The following SLC12A9 variants were observed in gnomAD, a reference collection of about 807,000 sequenced individuals.
SLC12A9 encodes the protein solute carrier family 12 member 9.
A neutral mutation model predicts 66.0 loss-of-function variants in SLC12A9; 55 were observed. That is an observed-to-expected ratio of 0.83 (90% CI 0.67 to 1.04). SLC12A9 has a LOEUF of 1.04. Ranked by LOEUF, SLC12A9 falls within the 50% of genes least tolerant of loss-of-function variation. The pLI is 0.00. For missense variants in SLC12A9, 1,061 were observed against 1,241.9 expected (o/e 0.85, Z 2.19); for synonymous variants, 577 against 569.0 (o/e 1.01, Z -0.20).
chr7:100,827,670 C>A (rs894008843), intron 1 of SLC12A9: 1 of 152,202 alleles, frequency 6.6e-6, no homozygotes, highest in South Asian at 2.1e-4. Context: ...GAGAGGGGCA[C>A]CGAGTGGAGC....
intron 1 of SLC12A9, among the ~76,000 whole-genome samples, chr7:100,829,719 C>T (rs1211573086): frequency 1.3e-5 from 2 of 152,190 alleles, no homozygotes; most frequent in Non-Finnish European, 2.9e-5. Context: ...GTACCCAGAT[C>T]CTGTAGCCTC....
chr7:100,831,465 C>T (rs1562978909), intron 1 of SLC12A9, among the ~76,000 whole-genome samples: 3 of 151,520 alleles, frequency 2.0e-5, no homozygotes, highest in South Asian at 2.1e-4. Context: ...GGATTACAGG[C>T]GTGAGCCACT....
chr7:100,859,412 T>C (rs896713994), intron 7 of SLC12A9: 7 of 525,194 alleles, frequency 1.3e-5, no homozygotes, highest in Non-Finnish European at 2.4e-5. Context: ...TGGCCTCTTG[T>C]GCATATACCA....
At chr7:100,830,156 A>G (rs1813514956) in intron 1 of SLC12A9, among the ~76,000 whole-genome samples, 1 of 152,174 alleles carries the variant, frequency 6.6e-6, no homozygotes, top group South Asian at 2.1e-4. Flanking sequence ...GTTCGAGACC[A>G]GCCTGGCCAA....
Position 100,855,691 on chromosome 7 carries a change from T to C in SLC12A9, c.317-15T>C. 1 of 1,614,016 alleles carries C rather than the reference T, an allele frequency of 6.2e-7. No homozygotes were observed. The highest frequency in any genetic ancestry group is 8.5e-7 in the Non-Finnish European group (1 of 1,179,906). On this transcript the variant is annotated splice_polypyrimidine_tract_variant and intron_variant, in intron 3 of 13. Transcript: ENST00000354161. Reference sequence around the variant, plus strand: ...AGTCTTTTCCCTTAATGCTCACCCCTGCTTCCACTTTCAGTCATGATCAGC... The same window carrying C: ...AGTCTTTTCCCTTAATGCTCACCCCCGCTTCCACTTTCAGTCATGATCAGC...
intron 4 of SLC12A9, chr7:100,856,529 T>TTA: frequency 4.7e-6 from 1 of 211,468 alleles, no homozygotes; most frequent in Admixed American, 5.4e-5. Context: ...TTTTTTTTTT[T>TTA]CTTGAGAGAA....
At chr7:100,860,077 G>A (rs1814649261) in intron 8 of SLC12A9, 35 bp downstream of exon 8, 2 of 1,614,114 alleles carry the variant, frequency 1.2e-6, no homozygotes, top group African/African-American at 1.3e-5. Context: ...CTTGGAGCAC[G>A]CCCTCCCTTG....
rs377703782 is a variant in SLC12A9 at position 100,861,256 on chromosome 7, A to C, written c.1337A>C (p.Asn446Thr). 6 of 1,614,028 alleles carry C rather than the reference A, an allele frequency of 3.7e-6. No homozygotes were observed. The highest frequency in any genetic ancestry group is 1.1e-5 in the South Asian group (1 of 91,088). ...CLSLEWASAP[N>T]FRPTFSLFSW... ...AGCCTGGAGTGGGCCTCGGCCCCCA[A>C]CTTCCGGTGAGAGACTCAGATCTGT... The change falls in exon 10 of 14, where the codon AAC becomes ACC. Residue 446 changes from asparagine to threonine, a missense_variant. Transcript: ENST00000354161. This position sits in a 1 kb window ranked among gnomAD's most constrained non-coding sequence, Gnocchi z 5.3.
intron 1 of SLC12A9, among the ~76,000 whole-genome samples, chr7:100,840,431 A>G (rs747223053): frequency 2.0e-5 from 3 of 152,214 alleles, no homozygotes; most frequent in South Asian, 2.1e-4. Flanking sequence ...TATGGCACAA[A>G]GTAACCTGTA....
At position 100,858,957 on chromosome 7, in the gene SLC12A9, C is replaced by T. The variant is rs1339032864; in HGVS notation, c.865+15C>T. On this transcript the variant is annotated intron_variant, in intron 6 of 13. Transcript: ENST00000354161. Reference sequence around the variant, plus strand: ...CAACATGTCAGGTGAGAGTCCCTGCCTGCTGCCTCCTGGGGGTTTGGGGCT... The same window carrying T: ...CAACATGTCAGGTGAGAGTCCCTGCTTGCTGCCTCCTGGGGGTTTGGGGCT... The T allele has an allele frequency of 1.9e-6, 3 of 1,613,714 alleles. No individual in the cohort carries two copies. Among genetic ancestry groups the T allele is most frequent in the African/African-American group, 2.7e-5 (2 of 74,920 alleles).
chr7:100,845,194 A>C (rs1813881687), intron 1 of SLC12A9, among the ~76,000 whole-genome samples: 2 of 151,200 alleles, frequency 1.3e-5, no homozygotes, highest in Non-Finnish European at 2.9e-5. Flanking sequence ...TCCATTCACT[A>C]AATTTCCAAA....
rs1248090501 is a variant in SLC12A9, at chr7:100,858,882, A to T, written c.805A>T (p.Ser269Cys). 1.2e-6 allele frequency: 2 copies of T among 1,614,166 alleles called. No homozygotes were observed. Among genetic ancestry groups the T allele is most frequent in the Non-Finnish European group, 1.7e-6 (2 of 1,180,026 alleles). ...CACGGGAGCCGTGATGAATTTTGCC[A>T]GCGTCTTTGCTGTCCTCTTTAACGG... The part of the protein sequence containing the change: ...YTTGAVMNFA[S>C]VFAVLFNGCT... Residue 269 changes from serine (S) to cysteine (C), a missense_variant, in exon 6 of 14, where the codon AGC (serine) becomes TGC (cysteine). Ser to Cys is a moderately radical substitution (Grantham distance 112). Transcript: ENST00000354161.
At position 100,854,275 on chromosome 7, in the gene SLC12A9, C is replaced by G. The variant is rs377629495; in HGVS notation, c.78C>G (p.Ala26=). 1 of 1,594,380 alleles carries G rather than the reference C, an allele frequency of 6.3e-7. No individual in the cohort carries two copies. Among genetic ancestry groups the G allele is most frequent in the Non-Finnish European group, 8.5e-7 (1 of 1,174,980 alleles). The change falls in exon 2 of 14, where the codon GCC becomes GCG. Residue 26 remains alanine (A), a synonymous_variant. Transcript: ENST00000354161. ...EEGVALPANG[A]GGPGGASARK... Reference sequence around the variant, plus strand: ...GGGTTGCCCTCCCTGCCAATGGGGCCGGGGGTCCTGGAGGGGCGTCTGCCC... The same window carrying G: ...GGGTTGCCCTCCCTGCCAATGGGGCGGGGGGTCCTGGAGGGGCGTCTGCCC...
Position 100,861,002 on chromosome 7 carries a change from C to T in SLC12A9, c.1219-136C>T, listed in dbSNP as rs930773862. ...CATTGACACTTTGGGGGTGCACTGG[C>T]ACTTTGCAGGGTTCACTGGCACTTT... On this transcript the variant is annotated intron_variant, in intron 9 of 13. Coordinates refer to ENST00000354161, the MANE Select transcript of SLC12A9 (RefSeq NM_020246.4). This position sits in a 1 kb window ranked among gnomAD's most constrained non-coding sequence, Gnocchi z 5.3. The T allele has an allele frequency of 1.3e-6, 2 of 1,493,756 alleles. No individual in the cohort carries two copies. The highest frequency in any genetic ancestry group is 1.4e-5 in the African/African-American group (1 of 72,426). 92.5% of individuals were successfully genotyped at this position (1,493,756 alleles called of 1,614,324 possible).
chr7:100,862,895 C>T (rs745996543), intron 13 of SLC12A9, 68 bp downstream of exon 13: 1 of 1,587,042 alleles, frequency 6.3e-7, no homozygotes, highest in African/African-American at 1.3e-5. Flanking sequence ...GCTCCCCTCC[C>T]CTAGAGAGTC....
chr7:100,855,982 C>G (rs926907872), intron 4 of SLC12A9, 145 bp downstream of exon 4: 1 of 1,288,900 alleles, frequency 7.8e-7, no homozygotes, highest in Non-Finnish European at 1.0e-6. Context: ...TGGCCAGCAT[C>G]GTGCAGGAGA....
Position 100,856,923 on chromosome 7 carries a change from G to C in SLC12A9, c.504G>C (p.Leu168=). The C allele has an allele frequency of 2.5e-6, 4 of 1,612,066 alleles. No homozygotes were observed. The highest frequency in any genetic ancestry group is 1.7e-5 in the Admixed American group (1 of 60,022). The part of the protein sequence containing the change: ...RVLPQGYGWN[L]LYGSLLLGLV... ...TGCCCCAGGGCTACGGCTGGAACCT[G>C]CTGTATGGCTCCCTGCTGCTGGGCC... The change falls in exon 5 of 14, where the codon CTG becomes CTC. Residue 168 remains leucine, a synonymous_variant. Transcript: ENST00000354161.
intron 4 of SLC12A9, chr7:100,856,044 G>A (rs923310211): frequency 3.1e-5 from 19 of 606,172 alleles, no homozygotes; most frequent in African/African-American, 5.8e-5. Flanking sequence ...CCATCTAATC[G>A]GAGAGACCAG....
At position 100,856,998 on chromosome 7, in the gene SLC12A9, A is replaced by G. The variant is rs1814434069; in HGVS notation, c.579A>G (p.Ser193=). ...GAGCCGGCCTCTATGCCCGGGCCTC[A>G]TTCCTCACATTCCTGCTGGTCTCTG... ...TLGAGLYARA[S]FLTFLLVSGS... Residue 193 remains serine, a synonymous_variant, in exon 5 of 14, where the codon TCA becomes TCG. Coordinates refer to ENST00000354161, the MANE Select transcript of SLC12A9 (RefSeq NM_020246.4). 1 of 1,614,084 alleles carries G rather than the reference A, an allele frequency of 6.2e-7. No homozygotes were observed. The highest frequency in any genetic ancestry group is 1.1e-5 in the South Asian group (1 of 91,084).
Sources: gnomAD v4.1 joint callset for allele counts (sites outside exome capture counted in the v4.1 genomes callset) on GRCh38, gnomAD v4.1.1 for gene constraint, Gnocchi (gnomAD v3.1) non-coding constraint, MANE v1.5 for transcripts, NCBI Gene and HGNC (gene_info 2026-07-23, HGNC 2026-07-21) for gene names.